The following MSRA variants were observed in gnomAD, a reference collection of about 807,000 sequenced individuals.
MSRA encodes methionine sulfoxide reductase A.
MSRA carries 54 observed loss-of-function variants against 31.3 expected under a neutral mutation model. The ratio of observed to expected loss-of-function variants is 1.73; its 90% CI spans 1.39 to 2.17. MSRA has a LOEUF of 2.17. Among genes scored for constraint, MSRA ranks in the 30% most tolerant of loss-of-function variants. MSRA has a pLI of 0.00. For missense variants in MSRA, 507 were observed against 300.9 expected (o/e 1.69, Z -5.07); for synonymous variants, 169 against 116.5 (o/e 1.45, Z -2.90).
chr8:10,227,087 G>C (rs899010960), intron 2 of MSRA, among the ~76,000 whole-genome samples: 1 of 152,182 alleles, frequency 6.6e-6, no homozygotes, highest in Non-Finnish European at 1.5e-5. Flanking sequence ...CTGTCCTTCA[G>C]AGATACAGAC....
intron 2 of MSRA, among the ~76,000 whole-genome samples, chr8:10,244,359 G>T (rs2129081954): frequency 6.6e-6 from 1 of 152,254 alleles, no homozygotes; most frequent in East Asian, 1.9e-4. Flanking sequence ...TGTGCTCTTG[G>T]GAGATGGGTT....
chr8:10,183,620 G>A (rs185829842), intron 1 of MSRA, among the ~76,000 whole-genome samples: 3 of 152,308 alleles, frequency 2.0e-5, no homozygotes, highest in Non-Finnish European at 4.4e-5. Flanking sequence ...GTAGGAGACA[G>A]GCTGATCTCT....
At chr8:10,225,083 G>C (rs1460109221) in intron 2 of MSRA, among the ~76,000 whole-genome samples, 1 of 152,216 alleles carries the variant, frequency 6.6e-6, no homozygotes, top group Non-Finnish European at 1.5e-5. Context: ...GTTGCAATGA[G>C]CCGAGATCGC....
chr8:10,286,171 A>G (rs947171177), intron 3 of MSRA, among the ~76,000 whole-genome samples: 2 of 152,086 alleles, frequency 1.3e-5, no homozygotes, highest in Non-Finnish European at 2.9e-5. Context: ...CATTTTCAAC[A>G]TCTGAAGCAC....
At chr8:10,357,397 T>TAAG (rs1804570185) in intron 5 of MSRA, among the ~76,000 whole-genome samples, 1 of 152,230 alleles carries the variant, frequency 6.6e-6, no homozygotes, top group Admixed American at 6.5e-5. Context: ...TTTCCTGTCT[T>TAAG]CCTTAAGACT....
chr8:10,310,743 C>G (rs372339589), intron 4 of MSRA, among the ~76,000 whole-genome samples: 11 of 152,336 alleles, frequency 7.2e-5, no homozygotes, highest in African/African-American at 2.4e-4. Flanking sequence ...ATTCGGACTT[C>G]AGGGCTAAAA....
chr8:10,300,192 T>C (rs1489117230), intron 3 of MSRA, among the ~76,000 whole-genome samples: 2 of 151,462 alleles, frequency 1.3e-5, no homozygotes, highest in African/African-American at 2.4e-5. Context: ...CAGGAAGAGA[T>C]TGATAAAATT....
chr8:10,300,479 C>G (rs1314679475), intron 3 of MSRA, among the ~76,000 whole-genome samples: 2 of 152,092 alleles, frequency 1.3e-5, no homozygotes, highest in African/African-American at 4.8e-5. Context: ...TGGTCTTGAA[C>G]TCCTGACCTC....
chr8:10,112,869 C>T (rs890507049), intron 1 of MSRA, among the ~76,000 whole-genome samples: 6 of 152,130 alleles, frequency 3.9e-5, no homozygotes, highest in Admixed American at 2.0e-4. Flanking sequence ...GAGCTCTCAC[C>T]CTTGAACTTT....
intron 3 of MSRA, among the ~76,000 whole-genome samples, chr8:10,295,575 C>A (rs1377314181): frequency 6.6e-6 from 1 of 152,168 alleles, no homozygotes; most frequent in Non-Finnish European, 1.5e-5. Flanking sequence ...CAAATCTCGT[C>A]TACATAAGAC....
At chr8:10,421,730 C>T (rs891081506) in intron 5 of MSRA, among the ~76,000 whole-genome samples, 10 of 152,166 alleles carry the variant, frequency 6.6e-5, no homozygotes, top group Non-Finnish European at 1.5e-4. Flanking sequence ...TTTCGTGCAT[C>T]TGTGGTGTTC....
At chr8:10,146,528 C>T (rs1013600048) in intron 1 of MSRA, among the ~76,000 whole-genome samples, 23 of 151,896 alleles carry the variant, frequency 1.5e-4, no homozygotes, top group African/African-American at 4.6e-4. Flanking sequence ...CTGGGGGTTT[C>T]GAGGAAACTA....
intron 3 of MSRA, among the ~76,000 whole-genome samples, chr8:10,281,337 A>C (rs1012131891): frequency 2.6e-5 from 4 of 152,238 alleles, no homozygotes; most frequent in African/African-American, 9.6e-5. Flanking sequence ...GAAATGTCGA[A>C]TAACAAAGTT....
intron 1 of MSRA, among the ~76,000 whole-genome samples, chr8:10,158,348 C>A (rs1433299001): frequency 6.6e-6 from 1 of 152,190 alleles, no homozygotes; most frequent in Non-Finnish European, 1.5e-5. Flanking sequence ...AAAAAGAGGC[C>A]CCATAGCTGT....
chr8:10,178,369 C>T lies in MSRA; in HGVS notation c.143-29464C>T, dbSNP rs1047845119. On this transcript the variant is annotated intron_variant, in intron 1 of 5. Transcript: ENST00000317173. ...CTTCGGGAGGCCTAGGAGGGGAGATCACTTGAGCCCAGGAGTTCAAGACCA... is the reference window on the plus strand; with the variant it reads ...CTTCGGGAGGCCTAGGAGGGGAGATTACTTGAGCCCAGGAGTTCAAGACCA... 3.9e-5 allele frequency among the ~76,000 whole-genome samples: 6 copies of T among 151,980 alleles called. No homozygotes were observed. In the South Asian group the frequency reaches 6.2e-4, roughly 16 times the overall value.
intron 5 of MSRA, among the ~76,000 whole-genome samples, chr8:10,414,607 C>T (rs949521929): frequency 6.6e-6 from 1 of 152,214 alleles, no homozygotes; most frequent in Admixed American, 6.5e-5. Flanking sequence ...GAAGCGGTGA[C>T]ATTCAGAGGA....
intron 5 of MSRA, among the ~76,000 whole-genome samples, chr8:10,349,500 C>T (rs951739444): frequency 3.9e-5 from 6 of 152,170 alleles, no homozygotes; most frequent in African/African-American, 1.4e-4. Flanking sequence ...TTGCTTTTCT[C>T]CTCTGCTTCC....
chr8:10,186,367 GTA>G (rs1167163843), intron 1 of MSRA, among the ~76,000 whole-genome samples: 1 of 152,196 alleles, frequency 6.6e-6, no homozygotes, highest in African/African-American at 2.4e-5. Flanking sequence ...GCCATGGACA[GTA>G]TATAAATGAA....
intron 2 of MSRA, among the ~76,000 whole-genome samples, chr8:10,208,201 G>C (rs1046210752): frequency 1.3e-5 from 2 of 150,896 alleles, no homozygotes; most frequent in African/African-American, 4.9e-5. Flanking sequence ...GTTTTTCTTT[G>C]CTAGCACGGA....
Sources: gnomAD v4.1 joint callset for allele counts (sites outside exome capture counted in the v4.1 genomes callset) on GRCh38, gnomAD v4.1.1 for gene constraint, MANE v1.5 for transcripts, NCBI Gene and HGNC (gene_info 2026-07-23, HGNC 2026-07-21) for gene names.